The following RPH3A variants were observed in gnomAD, a reference collection of about 807,000 sequenced individuals.
The protein encoded by RPH3A is rabphilin 3A, also known as rabphilin-3A.
RPH3A carries 48 observed loss-of-function variants against 102.2 expected under a neutral mutation model. The ratio of observed to expected loss-of-function variants is 0.47; its 90% CI spans 0.37 to 0.60. The LOEUF (loss-of-function observed/expected upper bound fraction) is 0.60, where lower values mean the gene tolerates loss of function less well. Ranked by LOEUF, RPH3A falls within the 20% of genes least tolerant of loss-of-function variation. RPH3A has a pLI of 0.00. For missense variants in RPH3A, 781 were observed against 910.1 expected, an observed-to-expected ratio of 0.86 and a Z score of 1.83; for synonymous variants, 310 against 324.3, an observed-to-expected ratio of 0.96 and a Z score of 0.47.
At chr12:112,853,974 C>G in intron 5 of RPH3A, among the ~76,000 whole-genome samples, 1 of 152,202 alleles carries the variant, frequency 6.6e-6, no homozygotes. Context: ...AATCACTTTA[C>G]CCTTACGGCG....
intron 1 of RPH3A, among the ~76,000 whole-genome samples, chr12:112,780,904 A>G (rs527695130): frequency 6.6e-6 from 1 of 152,312 alleles, no homozygotes; most frequent in Admixed American, 6.5e-5. Context: ...CTGAAATCCC[A>G]GCACTTTGGG....
chr12:112,811,319 A>C (rs2041571242), intron 2 of RPH3A, among the ~76,000 whole-genome samples: 1 of 152,204 alleles, frequency 6.6e-6, no homozygotes, highest in South Asian at 2.1e-4. Context: ...TTCCATTAAC[A>C]CTGAACTTGT....
At chr12:112,689,429 T>G (rs1371509810) in intron 1 of RPH3A, among the ~76,000 whole-genome samples, 1 of 152,204 alleles carries the variant, frequency 6.6e-6, no homozygotes, top group Non-Finnish European at 1.5e-5. Flanking sequence ...AATTCCAATT[T>G]AAAGCACTAT....
rs1473414104 is a variant in RPH3A, at chr12:112,713,023, C to CTCTTCCTCTTCTTCTTCTTCTTCT, written c.-139-79115_-139-79114insCTCTTCTTCTTCTTCTTCTTCTTC. Among the ~76,000 whole-genome samples the CTCTTCCTCTTCTTCTTCTTCTTCT allele has an allele frequency of 2.7e-4, 14 of 52,800 alleles. 1 individual carries two copies. The highest frequency in any genetic ancestry group is 1.0e-3 in the African/African-American group (9 of 9,036). The allele number at this position is 52,800 out of a possible 152,430, so 34.6% of individuals were successfully genotyped here. On this transcript the variant is annotated intron_variant, in intron 1 of 21. Transcript: ENST00000543106. ...CCTCTTCCTCTTCCTCTTCCTCTTC[C>CTCTTCCTCTTCTTCTTCTTCTTCT]TCTTCTTCTTCTTCTTCTTCTTCTT...
chr12:112,818,219 G>C (rs77341457), intron 2 of RPH3A, among the ~76,000 whole-genome samples: 1,590 of 149,738 alleles, frequency 0.011, 34 homozygotes, highest in African/African-American at 0.037. Context: ...AGAATGGCGA[G>C]AATCCGGGAG....
intron 1 of RPH3A, among the ~76,000 whole-genome samples, chr12:112,711,913 A>G (rs1323778967): frequency 6.6e-6 from 1 of 151,386 alleles, no homozygotes; most frequent in Non-Finnish European, 1.5e-5. Context: ...GCTCACTACA[A>G]CCTCTGCCTC....
intron 2 of RPH3A, among the ~76,000 whole-genome samples, chr12:112,803,360 A>T (rs1275650901): frequency 6.6e-6 from 1 of 151,918 alleles, no homozygotes; most frequent in East Asian, 1.9e-4. Flanking sequence ...CAGGGAGAGG[A>T]TGAATTAAGG....
Position 112,876,681 on chromosome 12 carries a change from G to T in RPH3A, c.986G>T (p.Arg329Leu). Residue 329 changes from arginine to leucine, a missense_variant, in exon 13 of 22, where the codon CGA (arginine) becomes CTA (leucine). Coordinates refer to ENST00000389385, the MANE Select transcript of RPH3A (RefSeq NM_001143854.2). ...GACCCTGGGACCACTGCCCCACCCCGAGAGGAGAGAACAGGGGGAGTCGGG... is the reference window on the plus strand; with the variant it reads ...GACCCTGGGACCACTGCCCCACCCCTAGAGGAGAGAACAGGGGGAGTCGGG... ...PSDPGTTAPP[R>L]EERTGGVGGY... 1 of 1,612,994 alleles carries T rather than the reference G, an allele frequency of 6.2e-7. No homozygotes were observed.
At chr12:112,703,570 TA>T (rs766539876) in intron 1 of RPH3A, among the ~76,000 whole-genome samples, 1 of 152,230 alleles carries the variant, frequency 6.6e-6, no homozygotes, top group Non-Finnish European at 1.5e-5. Flanking sequence ...GAAAGTAACA[TA>T]GCACTAGATA....
intron 1 of RPH3A, among the ~76,000 whole-genome samples, chr12:112,676,516 T>C (rs547734528): frequency 2.0e-5 from 3 of 152,188 alleles, no homozygotes; most frequent in Non-Finnish European, 4.4e-5. Flanking sequence ...GATTTCAAAA[T>C]TGGATTCTGG....
intron 1 of RPH3A, among the ~76,000 whole-genome samples, chr12:112,631,483 T>G (rs1389975421): frequency 1.3e-5 from 2 of 152,132 alleles, no homozygotes; most frequent in African/African-American, 2.4e-5. Context: ...CAAACCCACT[T>G]TTAACAAAAA....
intron 1 of RPH3A, among the ~76,000 whole-genome samples, chr12:112,681,458 G>A (rs898026119): frequency 6.6e-6 from 1 of 152,114 alleles, no homozygotes; most frequent in African/African-American, 2.4e-5. Context: ...CTGGACATAA[G>A]CCTGGGACTC....
At chr12:112,743,202 TG>T (rs2040721796) in intron 1 of RPH3A, among the ~76,000 whole-genome samples, 1 of 152,130 alleles carries the variant, frequency 6.6e-6, no homozygotes, top group Non-Finnish European at 1.5e-5. Flanking sequence ...TCACAGGTTC[TG>T]GGGATTAGGA....
chr12:112,673,032 G>T (rs2040146070), intron 1 of RPH3A, among the ~76,000 whole-genome samples: 1 of 152,018 alleles, frequency 6.6e-6, no homozygotes, highest in African/African-American at 2.4e-5. Flanking sequence ...GAGTTTCCCA[G>T]CAGGAGTTCA....
intron 1 of RPH3A, among the ~76,000 whole-genome samples, chr12:112,709,046 C>G (rs889767973): frequency 6.6e-6 from 1 of 152,082 alleles, no homozygotes; most frequent in African/African-American, 2.4e-5. Flanking sequence ...GCAATACAAC[C>G]ACCAAAACCC....
intron 3 of RPH3A, among the ~76,000 whole-genome samples, chr12:112,829,848 A>C (rs1398168046): frequency 1.3e-5 from 2 of 152,218 alleles, no homozygotes; most frequent in South Asian, 2.1e-4. Flanking sequence ...TCTAGCTATA[A>C]ACTGTAGCCT....
At chr12:112,603,762 C>G (rs541282431) in intron 1 of RPH3A, among the ~76,000 whole-genome samples, 2 of 152,158 alleles carry the variant, frequency 1.3e-5, no homozygotes, top group Non-Finnish European at 2.9e-5. Flanking sequence ...ATACCCAACA[C>G]CCTGGGAAAA....
chr12:112,715,749 G>A (rs1025667539), intron 1 of RPH3A, among the ~76,000 whole-genome samples: 2 of 152,180 alleles, frequency 1.3e-5, no homozygotes, highest in Non-Finnish European at 2.9e-5. Context: ...GACCCCAAGA[G>A]AGGGTTCTTG....
intron 1 of RPH3A, among the ~76,000 whole-genome samples, chr12:112,742,195 C>T (rs2040713872): frequency 6.6e-6 from 1 of 152,086 alleles, no homozygotes; most frequent in South Asian, 2.1e-4. Context: ...TTTACAGTGT[C>T]CATCAGCCAT....
Sources: gnomAD v4.1 joint callset for allele counts (sites outside exome capture counted in the v4.1 genomes callset) on GRCh38, gnomAD v4.1.1 for gene constraint, MANE v1.5 for transcripts, NCBI Gene and HGNC (gene_info 2026-07-23, HGNC 2026-07-21) for gene names.